The following LRRIQ4 variants were observed in gnomAD, a reference collection of about 807,000 sequenced individuals.
LRRIQ4 encodes the protein leucine rich repeats and IQ motif containing 4.
LRRIQ4 carries 21 observed loss-of-function variants against 40.1 expected under a neutral mutation model. The observed-to-expected ratio is 0.52, with a 90% confidence interval of 0.37 to 0.75. The LOEUF (loss-of-function observed/expected upper bound fraction) is 0.75, where lower values mean the gene tolerates loss of function less well. LRRIQ4 is among the 30% of genes least tolerant of loss of function. The pLI, the probability that LRRIQ4 is intolerant of heterozygous loss-of-function variation, is 0.00. For missense variants in LRRIQ4, 655 were observed against 660.0 expected (o/e 0.99, Z 0.08); for synonymous variants, 277 against 277.1 (o/e 1.00, Z 0.00).
At position 169,837,510 on chromosome 3, in the gene LRRIQ4, A is replaced by AT. The variant is rs2108190158; in HGVS notation, c.1562_1563insT (p.Gln521HisfsTer9). On this transcript the variant is annotated frameshift_variant, in exon 6 of 6. Coordinates refer to ENST00000340806, the MANE Select transcript of LRRIQ4 (RefSeq NM_001080460.3). LOFTEE classifies it low-confidence loss of function (END_TRUNC). Reference sequence around the variant, plus strand: ...GCATGGTGGCGTGGAACAATGGTACAGAGAGGATTTGGGAAATTCGGTGAA... The same window carrying AT: ...GCATGGTGGCGTGGAACAATGGTACATGAGAGGATTTGGGAAATTCGGTGAA... 6.2e-7 allele frequency: 1 copy of AT among 1,610,160 alleles called. No individual in the cohort carries two copies. The highest frequency in any genetic ancestry group is 2.2e-5 in the East Asian group (1 of 44,836).
At chr3:169,825,783 T>C (rs1049486981) in intron 2 of LRRIQ4, among the ~76,000 whole-genome samples, 6 of 152,236 alleles carry the variant, frequency 3.9e-5, no homozygotes, top group South Asian at 2.1e-4. Context: ...TATTATTGTA[T>C]TGAACATGAC....
rs750864248 is a variant in LRRIQ4, at chr3:169,831,440, A to ATTTTTTTTT, written c.1333+845_1333+853dup. ...AGGCGCCCGCCACCACGCCCGGCTA[A>ATTTTTTTTT]TTTTTTTTTTTTTTTTTTTTTTTTT... is the stretch of plus-strand genomic sequence containing the variant. On this transcript the variant is annotated intron_variant, in intron 4 of 5. Transcript: ENST00000340806. Among the ~76,000 whole-genome samples the ATTTTTTTTT allele has an allele frequency of 6.8e-5, 2 of 29,430 alleles. 1 individual carries two copies. Among genetic ancestry groups the ATTTTTTTTT allele is most frequent in the Non-Finnish European group, 1.3e-4 (2 of 15,642 alleles). 19.3% of individuals were successfully genotyped at this position (29,430 alleles called of 152,430 possible).
chr3:169,832,199 G>C (rs1780195158), intron 4 of LRRIQ4, among the ~76,000 whole-genome samples: 1 of 152,026 alleles, frequency 6.6e-6, no homozygotes, highest in Non-Finnish European at 1.5e-5. Context: ...GCCAGGCGCG[G>C]TGGCTCACGC....
chr3:169,830,408 A>AAAAAAAAAAAAAAAAAAAAAAAAAC (rs1560614503), intron 3 of LRRIQ4, 84 bp from the exon 4 acceptor site: 1 of 548,886 alleles, frequency 1.8e-6, no homozygotes, highest in Non-Finnish European at 2.6e-6. Flanking sequence ...AAAAAAAAAA[A>AAAAAAAAAAAAAAAAAAAAAAAAAC]ATGCATGAGC....
At chr3:169,817,592 T>G (rs912699162) in intron 1 of LRRIQ4, among the ~76,000 whole-genome samples, 6 of 152,236 alleles carry the variant, frequency 3.9e-5, no homozygotes, top group African/African-American at 1.4e-4. Flanking sequence ...AATATTTGCT[T>G]TACATAACTA....
rs61755903 is a variant in LRRIQ4 at position 169,822,718 on chromosome 3, G to A, written c.797G>A (p.Gly266Glu). 61 of 1,613,806 alleles carry A rather than the reference G, an allele frequency of 3.8e-5. No individual in the cohort carries two copies. The highest frequency in any genetic ancestry group is 9.9e-5 in the South Asian group (9 of 91,088). ...AAGATGACGGAAATCGGGCTGAGCG[G>A]GAACCGCCTGGAGAAGGTGCCACGC... ...LRKMTEIGLS[G>E]NRLEKVPRLI... Residue 266 changes from glycine (G) to glutamate (E), a missense_variant, in exon 2 of 6, where the codon GGG (glycine) becomes GAG (glutamate). Gly to Glu is a moderately conservative substitution (Grantham distance 98). Transcript: ENST00000340806.
chr3:169,822,200 G>A lies in LRRIQ4; in HGVS notation c.279G>A (p.Leu93=). 6.3e-7 allele frequency: 1 copy of A among 1,599,576 alleles called. No individual in the cohort carries two copies. The highest frequency in any genetic ancestry group is 8.5e-7 in the Non-Finnish European group (1 of 1,175,884). ...LRSLCPALGL[L]SSLESLDLSY... is the part of the protein sequence containing the mutation. ...GCCTGTGCCCGGCGCTGGGGCTGCT[G>A]AGCAGCCTGGAGAGCCTGGACCTGA... Residue 93 remains leucine (L), a synonymous_variant, in exon 2 of 6, where the codon CTG becomes CTA. Transcript: ENST00000340806.
intron 1 of LRRIQ4, among the ~76,000 whole-genome samples, chr3:169,819,509 T>C (rs1458922620): frequency 6.6e-6 from 1 of 152,200 alleles, no homozygotes; most frequent in Non-Finnish European, 1.5e-5. Context: ...TGCTGCACAA[T>C]AAAATCAAGT....
At position 169,835,364 on chromosome 3, in the gene LRRIQ4, C is replaced by CTGTGTGTG. The variant is rs149888477; in HGVS notation, c.1531-2091_1531-2084dup. On this transcript the variant is annotated intron_variant, in intron 5 of 5. Transcript: ENST00000340806. ...CACTTGTACTTTGAATTGTCTTTTT[C>CTGTGTGTG]TGTGTGTGTGTGTGTGTGTGTGTGT... 1.0e-3 allele frequency among the ~76,000 whole-genome samples: 148 copies of CTGTGTGTG among 146,504 alleles called. 1 individual carries two copies. Among genetic ancestry groups the CTGTGTGTG allele is most frequent in the Middle Eastern group, 3.5e-3 (1 of 284 alleles).
At position 169,822,593 on chromosome 3, in the gene LRRIQ4, C is replaced by A. The variant is rs766597457; in HGVS notation, c.672C>A (p.Pro224=). 3 of 1,614,004 alleles carry A rather than the reference C, an allele frequency of 1.9e-6. No homozygotes were observed. In the Admixed American group the frequency reaches 5.0e-5, roughly 27 times the overall value. ...TCTATATGGCTTCTAACAACCTTCC[C>A]GTTCTGCCCGCGTCCTTGTGCCAGT... ...QKFYMASNNL[P]VLPASLCQCS... is the part of the protein sequence containing the mutation. Residue 224 remains proline, a synonymous_variant, in exon 2 of 6, where the codon CCC becomes CCA. Coordinates refer to ENST00000340806, the MANE Select transcript of LRRIQ4 (RefSeq NM_001080460.3).
chr3:169,830,724 A>G, intron 4 of LRRIQ4, 94 bp downstream of exon 4: 1 of 1,447,076 alleles, frequency 6.9e-7, no homozygotes, highest in Non-Finnish European at 9.5e-7. Context: ...GACCTATCTC[A>G]GTGTTCAGAG....
chr3:169,820,575 C>G (rs1195954252), intron 1 of LRRIQ4, among the ~76,000 whole-genome samples: 1 of 140,370 alleles, frequency 7.1e-6, no homozygotes, highest in African/African-American at 2.7e-5. Context: ...CTCGCTCTGT[C>G]GCCCAGGCTG....
rs1176926646 is a variant in LRRIQ4, at chr3:169,813,816, A to G, written c.-32+770A>G. 2.0e-5 allele frequency among the ~76,000 whole-genome samples: 3 copies of G among 152,280 alleles called. No individual in the cohort carries two copies. The East Asian group carries it at 5.8e-4, about 29-fold the overall frequency. On this transcript the variant is annotated intron_variant, in intron 1 of 5. Transcript: ENST00000340806. Reference sequence around the variant, plus strand: ...TGTCCAATTCTTTGTTCAAGACGCCAAGAACCTGGACACCTTCTACCGGTA... The same window carrying G: ...TGTCCAATTCTTTGTTCAAGACGCCGAGAACCTGGACACCTTCTACCGGTA...
chr3:169,833,144 C>A lies in LRRIQ4; in HGVS notation c.1491C>A (p.Tyr497Ter). 1.9e-6 allele frequency: 3 copies of A among 1,613,346 alleles called. No homozygotes were observed. The highest frequency in any genetic ancestry group is 2.5e-6 in the Non-Finnish European group (3 of 1,179,752). Reference sequence around the variant, plus strand: ...AAGGCAATGAGGCCATATGGAAATACCTCAAGGAAAACAGAAACAGGAATA... The same window carrying A: ...AAGGCAATGAGGCCATATGGAAATAACTCAAGGAAAACAGAAACAGGAATA... ...CAEGNEAIWKYLKENRNRNIM... is the reference protein window; with the variant it reads ...CAEGNEAIWK Residue 497 changes from tyrosine to a stop codon, truncating the protein, a stop_gained, in exon 5 of 6, where the codon TAC becomes TAA. Transcript: ENST00000340806. LOFTEE classifies it low-confidence loss of function (END_TRUNC).
rs780101802 is a variant in LRRIQ4, at chr3:169,822,339, AACCTCC to A, written c.422_427del (p.Leu141_His142del). ...GGAAATTCCCGTCGTCATCTTTAAA[AACCTCC>A]ACCATCTCGAGCTGCTCGGACTGAC... On this transcript the variant is annotated inframe_deletion, in exon 2 of 6. Coordinates refer to ENST00000340806, the MANE Select transcript of LRRIQ4 (RefSeq NM_001080460.3). The A allele has an allele frequency of 6.2e-7, 1 of 1,613,522 alleles. No individual in the cohort carries two copies. The highest frequency in any genetic ancestry group is 1.1e-5 in the South Asian group (1 of 91,024).
At chr3:169,830,669 G>C (rs901974988) in intron 4 of LRRIQ4, 39 bp downstream of exon 4, 2 of 1,612,658 alleles carry the variant, frequency 1.2e-6, no homozygotes, top group East Asian at 2.2e-5. Context: ...AGCAGAGTTT[G>C]TGGCCAGCAT....
chr3:169,829,594 C>T (rs562206114), intron 3 of LRRIQ4, among the ~76,000 whole-genome samples: 3 of 152,076 alleles, frequency 2.0e-5, no homozygotes, highest in East Asian at 3.9e-4. Context: ...CTCCACCTCC[C>T]GGGTTCAAGC....
At chr3:169,816,206 A>G (rs1208983710) in intron 1 of LRRIQ4, among the ~76,000 whole-genome samples, 2 of 151,894 alleles carry the variant, frequency 1.3e-5, no homozygotes, top group African/African-American at 2.4e-5. Flanking sequence ...TTCCTCCTCT[A>G]TTTTTCAGAA....
chr3:169,829,847 C>A lies in LRRIQ4; in HGVS notation c.1195-645C>A, dbSNP rs75144105. 4.8e-3 allele frequency among the ~76,000 whole-genome samples: 732 copies of A among 152,316 alleles called. 2 individuals carry two copies. Among genetic ancestry groups the A allele is most frequent in the Non-Finnish European group, 8.5e-3 (578 of 68,016 alleles). ...AAAGTAGGCGTGGGCCACCACATAA[C>A]CCCAGTCATGCAATGCCATGCACAG... On this transcript the variant is annotated intron_variant, in intron 3 of 5. Transcript: ENST00000340806.
Sources: allele counts gnomAD v4.1 joint callset (sites outside exome capture counted in the v4.1 genomes callset), GRCh38; gene constraint gnomAD v4.1.1; transcripts MANE v1.5; gene names NCBI Gene and HGNC (gene_info 2026-07-23, HGNC 2026-07-21).